SERTM1: variants seen among roughly 807,000 people sequenced by gnomAD.
SERTM1 encodes the protein serine rich and transmembrane domain containing 1.
In SERTM1, 1 loss-of-function variant was observed where a neutral mutation model predicts 5.5. That is an observed-to-expected ratio of 0.18 (90% CI 0.06 to 0.86). The LOEUF (loss-of-function observed/expected upper bound fraction) is 0.86. Among genes scored for constraint, SERTM1 ranks in the 40% least tolerant of loss-of-function variants. The probability of loss-of-function intolerance (pLI) is 0.69; values close to 1 mark genes in which losing one functional copy is unlikely to be tolerated. For synonymous variants in SERTM1, 52 were observed against 55.1 expected (o/e 0.94, Z 0.25); for missense variants, 91 against 122.4 (o/e 0.74, Z 1.21).
At chr13:36,690,243 G>A (rs1321941560) in intron 1 of SERTM1, among the ~76,000 whole-genome samples, 1 of 152,046 alleles carries the variant, frequency 6.6e-6, no homozygotes, top group African/African-American at 2.4e-5. Flanking sequence ...TTTCCTTAAC[G>A]TGGCTTTGGT....
intron 1 of SERTM1, among the ~76,000 whole-genome samples, chr13:36,677,910 G>A (rs1050678752): frequency 6.6e-6 from 1 of 152,052 alleles, no homozygotes; most frequent in Non-Finnish European, 1.5e-5. Flanking sequence ...AAAATGCAAT[G>A]CTACCTCCAA....
At chr13:36,687,530 T>A (rs1375041097) in intron 1 of SERTM1, among the ~76,000 whole-genome samples, 5 of 152,148 alleles carry the variant, frequency 3.3e-5, no homozygotes, top group Non-Finnish European at 7.4e-5. Flanking sequence ...ATTGTGCCTA[T>A]ACACATGATC....
At chr13:36,693,019 A>G (rs566617157) in intron 1 of SERTM1, among the ~76,000 whole-genome samples, 1 of 152,352 alleles carries the variant, frequency 6.6e-6, no homozygotes, top group East Asian at 1.9e-4. Context: ...AAAAGAAATT[A>G]TGTTTACATT....
intron 1 of SERTM1, among the ~76,000 whole-genome samples, chr13:36,676,806 AAATAAT>A (rs989344111): frequency 6.6e-6 from 1 of 152,202 alleles, no homozygotes; most frequent in Non-Finnish European, 1.5e-5. Context: ...TGAGAGCTAA[AAATAAT>A]AATAATAAAG....
chr13:36,674,387 G>A (rs1315567471), intron 1 of SERTM1, among the ~76,000 whole-genome samples: 1 of 151,992 alleles, frequency 6.6e-6, no homozygotes, highest in African/African-American at 2.4e-5. Context: ...TGTCCTTACT[G>A]TCCCGAGAAG....
chr13:36,686,171 G>A (rs992064259), intron 1 of SERTM1, among the ~76,000 whole-genome samples: 2 of 152,106 alleles, frequency 1.3e-5, no homozygotes, highest in African/African-American at 4.8e-5. Flanking sequence ...CCTCTCCCAC[G>A]ACCACAGGCA....
intron 1 of SERTM1, among the ~76,000 whole-genome samples, chr13:36,688,666 T>TG (rs955535853): frequency 6.6e-6 from 1 of 152,202 alleles, no homozygotes; most frequent in Non-Finnish European, 1.5e-5. Context: ...CAGAGCAGGA[T>TG]GGGGGGAAAG....
intron 1 of SERTM1, among the ~76,000 whole-genome samples, chr13:36,683,077 T>G (rs1386897915): frequency 6.6e-6 from 1 of 152,140 alleles, no homozygotes; most frequent in South Asian, 2.1e-4. Flanking sequence ...ACGATGAGTT[T>G]TTTTTTCCAC....
chr13:36,684,639 A>C (rs920696968), intron 1 of SERTM1, among the ~76,000 whole-genome samples: 1 of 151,906 alleles, frequency 6.6e-6, no homozygotes, highest in African/African-American at 2.4e-5. Context: ...ACCTCTCATC[A>C]TTCTTCTGCC....
intron 1 of SERTM1, among the ~76,000 whole-genome samples, chr13:36,685,535 C>T (rs937621772): frequency 3.9e-5 from 6 of 152,206 alleles, no homozygotes; most frequent in Admixed American, 1.3e-4. Context: ...TGGGGAAAAG[C>T]ACTATTCATA....
intron 1 of SERTM1, among the ~76,000 whole-genome samples, chr13:36,674,455 G>A (rs2056657568): frequency 6.6e-6 from 1 of 152,140 alleles, no homozygotes; most frequent in South Asian, 2.1e-4. Flanking sequence ...AGGAGGAGCC[G>A]CGAGGGGCCC....
At chr13:36,692,582 C>T (rs979226088) in intron 1 of SERTM1, among the ~76,000 whole-genome samples, 2 of 152,362 alleles carry the variant, frequency 1.3e-5, no homozygotes, top group Admixed American at 1.3e-4. Flanking sequence ...TTTCTATCTA[C>T]TGGCACTTTA....
chr13:36,677,535 C>T (rs1442823456), intron 1 of SERTM1, among the ~76,000 whole-genome samples: 8 of 152,144 alleles, frequency 5.3e-5, no homozygotes, highest in Non-Finnish European at 1.5e-5. Flanking sequence ...TTAAAAGGGT[C>T]ACTTAAGAAG....
At chr13:36,687,532 C>A (rs1279670238) in intron 1 of SERTM1, among the ~76,000 whole-genome samples, 5 of 151,714 alleles carry the variant, frequency 3.3e-5, no homozygotes, top group Non-Finnish European at 7.4e-5. Context: ...TGTGCCTATA[C>A]ACATGATCTT....
rs1285939157 is a variant in SERTM1, at chr13:36,678,467, T to C, written c.-174+4283T>C. On this transcript the variant is annotated intron_variant, in intron 1 of 1. Transcript: ENST00000315190. ...CATCTTTTCATGTTAGAAAATACGGTCCTTTTTCACAGGGAGGGGAACAAC... is the reference window on the plus strand; with the variant it reads ...CATCTTTTCATGTTAGAAAATACGGCCCTTTTTCACAGGGAGGGGAACAAC... 2.0e-5 allele frequency among the ~76,000 whole-genome samples: 3 copies of C among 151,192 alleles called. No homozygotes were observed. In the South Asian group the frequency reaches 6.3e-4, roughly 32 times the overall value.
rs147950648 is a variant in SERTM1, at chr13:36,695,858, A to T, written c.*456A>T. ...TTTAAAAGATAAAGTGGAGACACCAAACTTAAAAAGGAAGAGAGTCAATTT... is the reference window on the plus strand; with the variant it reads ...TTTAAAAGATAAAGTGGAGACACCATACTTAAAAAGGAAGAGAGTCAATTT... On this transcript the variant is annotated 3_prime_UTR_variant, in exon 2 of 2. Transcript: ENST00000315190. The T allele has an allele frequency of 7.2e-3, 1,224 of 169,928 alleles. 8 individuals carry two copies. Among genetic ancestry groups the T allele is most frequent in the Middle Eastern group, 0.03 (9 of 300 alleles). The allele number at this position is 169,928 out of a possible 1,614,324, so 10.5% of individuals were successfully genotyped here. A position where few individuals can be genotyped will look rare whatever the true frequency, so the allele number is the denominator to read the frequency against.
intron 1 of SERTM1, among the ~76,000 whole-genome samples, chr13:36,680,237 C>T (rs181392963): frequency 1.3e-3 from 192 of 152,226 alleles, no homozygotes; most frequent in Non-Finnish European, 2.4e-3. Flanking sequence ...TAGTCTCAGA[C>T]CTTCAGAAAG....
intron 1 of SERTM1, among the ~76,000 whole-genome samples, chr13:36,684,793 G>A (rs1010751854): frequency 1.5e-4 from 23 of 152,022 alleles, no homozygotes; most frequent in African/African-American, 5.6e-4. Flanking sequence ...CTAAAAGTAA[G>A]GTGAAGAGCT....
intron 1 of SERTM1, among the ~76,000 whole-genome samples, chr13:36,692,028 A>G (rs1007753944): frequency 4.6e-5 from 7 of 152,254 alleles, no homozygotes; most frequent in Non-Finnish European, 7.3e-5. Context: ...GTTTCAGAGT[A>G]TGAAATGAAA....
Sources: gnomAD v4.1 joint callset for allele counts (sites outside exome capture counted in the v4.1 genomes callset) on GRCh38, gnomAD v4.1.1 for gene constraint, MANE v1.5 for transcripts, NCBI Gene and HGNC (gene_info 2026-07-23, HGNC 2026-07-21) for gene names.